KIAA0232: variants seen among roughly 807,000 people sequenced by gnomAD.
KIAA0232 encodes KIAA0232.
A neutral mutation model predicts 122.0 loss-of-function variants in KIAA0232; 27 were observed. The observed-to-expected ratio is 0.22, with a 90% CI of 0.16 to 0.31. The LOEUF is 0.31. Ranked by LOEUF, KIAA0232 falls within the 10% of genes least tolerant of loss-of-function variation. The pLI, the probability that KIAA0232 is intolerant of heterozygous loss-of-function variation, is 1.00. For missense variants in KIAA0232, 1,551 were observed against 1,634.2 expected (o/e 0.95, Z 0.88); for synonymous variants, 613 against 587.6 (o/e 1.04, Z -0.63).
At chr4:6,860,408 CT>C (rs1280144881) in intron 6 of KIAA0232, among the ~76,000 whole-genome samples, 3 of 152,152 alleles carry the variant, frequency 2.0e-5, no homozygotes, top group Admixed American at 2.0e-4. Context: ...TGCTACCGAG[CT>C]TTTTAACCGC....
At position 6,855,556 on chromosome 4, in the gene KIAA0232, A is replaced by G. The variant is rs1425270245; in HGVS notation, c.370-1608A>G. The stretch of plus-strand genomic sequence containing the variant: ...TTTATATATGACAGCAAATATATAT[A>G]TATCACTCATATAGTATACATATTT... On this transcript the variant is annotated intron_variant, in intron 4 of 9. Transcript: ENST00000307659. This position sits in a 1 kb window ranked among gnomAD's most constrained non-coding sequence, Gnocchi z 4.3. 6.6e-6 allele frequency among the ~76,000 whole-genome samples: 1 copy of G among 152,160 alleles called. No individual in the cohort carries two copies. Among genetic ancestry groups the G allele is most frequent in the African/African-American group, 2.4e-5 (1 of 41,430 alleles).
chr4:6,797,760 ACC>A (rs879315433), intron 1 of KIAA0232, among the ~76,000 whole-genome samples: 7 of 99,954 alleles, frequency 7.0e-5, no homozygotes, highest in African/African-American at 8.2e-5. Context: ...ACAGAGCCAG[ACC>A]CTGCCTCTCA....
At chr4:6,867,072 C>T (rs945783284) in intron 7 of KIAA0232, among the ~76,000 whole-genome samples, 12 of 152,304 alleles carry the variant, frequency 7.9e-5, no homozygotes, top group Admixed American at 3.3e-4. Flanking sequence ...TTTCTTTTTG[C>T]TGAAATGGTA....
intron 2 of KIAA0232, among the ~76,000 whole-genome samples, chr4:6,812,140 G>A (rs1295925684): frequency 6.6e-6 from 1 of 152,186 alleles, no homozygotes; most frequent in Non-Finnish European, 1.5e-5. Flanking sequence ...CAACCTCCTG[G>A]AACGTGGGGA....
intron 4 of KIAA0232, among the ~76,000 whole-genome samples, chr4:6,853,033 G>A (rs1359175234): frequency 6.6e-6 from 1 of 152,178 alleles, no homozygotes; most frequent in African/African-American, 2.4e-5. Flanking sequence ...AGATTAAGTA[G>A]ACAGCTTCTG....
intron 4 of KIAA0232, among the ~76,000 whole-genome samples, chr4:6,843,743 C>T (rs1327934644): frequency 6.6e-6 from 1 of 151,926 alleles, no homozygotes; most frequent in African/African-American, 2.4e-5. Flanking sequence ...GCACTCCAAC[C>T]TGGGCGACAG....
intron 1 of KIAA0232, among the ~76,000 whole-genome samples, chr4:6,802,454 T>C (rs899597614): frequency 6.6e-6 from 1 of 152,202 alleles, no homozygotes; most frequent in Non-Finnish European, 1.5e-5. Context: ...TAGAAATTTT[T>C]TGATTGATTT....
chr4:6,861,909 C>G lies in KIAA0232; in HGVS notation c.1527C>G (p.Phe509Leu). Residue 509 changes from phenylalanine to leucine, a missense_variant, in exon 7 of 10, where the codon TTC becomes TTG. Coordinates refer to ENST00000307659, the MANE Select transcript of KIAA0232 (RefSeq NM_014743.3). ...DDIHLSELTH[F>L]YEVDIDQSML... ...TTCATCTATCAGAATTAACGCACTT[C>G]TATGAAGTGGATATTGATCAATCCA... 6.2e-7 allele frequency: 1 copy of G among 1,614,078 alleles called. No homozygotes were observed. Among genetic ancestry groups the G allele is most frequent in the Non-Finnish European group, 8.5e-7 (1 of 1,179,982 alleles).
intron 1 of KIAA0232, among the ~76,000 whole-genome samples, chr4:6,798,606 CA>C (rs1717239055): frequency 6.6e-6 from 1 of 152,214 alleles, no homozygotes; most frequent in African/African-American, 2.4e-5. Flanking sequence ...GGCTGGAGTG[CA>C]GGGGTGTGAT....
chr4:6,810,941 A>G (rs990777535), intron 2 of KIAA0232, among the ~76,000 whole-genome samples: 6 of 152,224 alleles, frequency 3.9e-5, no homozygotes, highest in African/African-American at 1.4e-4. Flanking sequence ...AACAACAACA[A>G]AAAGAAAACA....
rs376371917 is a variant in KIAA0232, at chr4:6,871,630, C to G, written c.3858C>G (p.Thr1286=). 8 of 1,612,960 alleles carry G rather than the reference C, an allele frequency of 5.0e-6. No individual in the cohort carries two copies. The African/African-American group carries it at 1.1e-4, about 22-fold the overall frequency. Residue 1286 remains threonine, a synonymous_variant, in exon 8 of 10, where the codon ACC becomes ACG. Transcript: ENST00000307659. ...QGMNRSQEKQ[T]WWEKALYSPL... ...TGAATAGAAGTCAAGAAAAACAGAC[C>G]TGGTGGGAAAAAGCCTTGTACTCTC...
At chr4:6,789,794 A>G (rs1560158098) in intron 1 of KIAA0232, among the ~76,000 whole-genome samples, 2 of 152,080 alleles carry the variant, frequency 1.3e-5, no homozygotes, top group African/African-American at 4.8e-5. Flanking sequence ...TGGGAAAGCG[A>G]GGTGGGAGGA....
chr4:6,823,541 C>T (rs1397019985), intron 2 of KIAA0232, among the ~76,000 whole-genome samples: 4 of 152,248 alleles, frequency 2.6e-5, no homozygotes, highest in Non-Finnish European at 4.4e-5. Flanking sequence ...CCTAAAGTTT[C>T]GAGCCTTACA....
chr4:6,821,706 A>G (rs188433806), intron 2 of KIAA0232, among the ~76,000 whole-genome samples: 134 of 149,564 alleles, frequency 9.0e-4, no homozygotes, highest in East Asian at 7.2e-3. Flanking sequence ...GTGTGTGTGT[A>G]TATATATATA....
At chr4:6,848,361 C>CA (rs1720087225) in intron 4 of KIAA0232, among the ~76,000 whole-genome samples, 1 of 152,172 alleles carries the variant, frequency 6.6e-6, no homozygotes, top group Non-Finnish European at 1.5e-5. Context: ...CCTTCATACC[C>CA]ATGAGTTCTA....
chr4:6,873,023 C>T (rs1721574716), intron 8 of KIAA0232, among the ~76,000 whole-genome samples: 2 of 152,226 alleles, frequency 1.3e-5, no homozygotes. Context: ...TCACTGTTAG[C>T]GTCTTCGTTG....
chr4:6,790,379 A>T (rs1212075968), intron 1 of KIAA0232, among the ~76,000 whole-genome samples: 6 of 144,188 alleles, frequency 4.2e-5, no homozygotes, highest in Non-Finnish European at 4.6e-5. Context: ...TTTTTTTTTT[A>T]ATTAAAAAAG....
intron 3 of KIAA0232, among the ~76,000 whole-genome samples, chr4:6,829,859 T>C (rs1206328662): frequency 6.6e-6 from 1 of 152,256 alleles, no homozygotes; most frequent in Non-Finnish European, 1.5e-5. Flanking sequence ...CTCCCCATGA[T>C]CTGTCACAGG....
At chr4:6,842,852 G>C (rs1719737643) in intron 4 of KIAA0232, among the ~76,000 whole-genome samples, 1 of 152,096 alleles carries the variant, frequency 6.6e-6, no homozygotes, top group Admixed American at 6.5e-5. Flanking sequence ...GCCTCCCAAA[G>C]TGCTGAGATT....
Sources: allele counts gnomAD v4.1 joint callset (sites outside exome capture counted in the v4.1 genomes callset), GRCh38; gene constraint gnomAD v4.1.1; non-coding constraint Gnocchi (gnomAD v3.1); transcripts MANE v1.5; gene names NCBI Gene and HGNC (gene_info 2026-07-23, HGNC 2026-07-21).